Variants in RPTOR observed in about 807,000 individuals in gnomAD.
RPTOR encodes regulatory associated protein of MTOR complex 1, also known as regulatory-associated protein of mTOR.
A neutral mutation model predicts 169.9 loss-of-function variants in RPTOR; 21 were observed. The ratio of observed to expected loss-of-function variants is 0.12; its 90% CI spans 0.09 to 0.18. The LOEUF (loss-of-function observed/expected upper bound fraction) is 0.18. Among genes scored for constraint, RPTOR ranks in the 10% least tolerant of loss-of-function variants. The pLI is 1.00. For synonymous variants in RPTOR, 732 were observed against 753.2 expected (o/e 0.97, Z 0.46); for missense variants, 1,133 against 1,855.9 (o/e 0.61, Z 7.16).
chr17:80,742,737 T>A (rs2066496312), intron 5 of RPTOR, among the ~76,000 whole-genome samples: 1 of 151,860 alleles, frequency 6.6e-6, no homozygotes. Context: ...CACATGCATG[T>A]GCGCACACAT....
In RPTOR at chr17:80,961,226, G is replaced by A. The variant is rs897380923; in HGVS notation, c.3606-168G>A. Among the ~76,000 whole-genome samples, 4 of 152,212 alleles carry A rather than the reference G, an allele frequency of 2.6e-5. No homozygotes were observed. In the East Asian group the frequency reaches 7.7e-4, roughly 29 times the overall value. ...GGTCTCTGCTGGAGCAGGTCACCTGGAGGGGGCTCTGACCCTGCGTGAGCA... is the reference window on the plus strand; with the variant it reads ...GGTCTCTGCTGGAGCAGGTCACCTGAAGGGGGCTCTGACCCTGCGTGAGCA... On this transcript the variant is annotated intron_variant, in intron 30 of 33. Coordinates refer to ENST00000306801, the MANE Select transcript of RPTOR (RefSeq NM_020761.3).
At chr17:80,866,171 A>G (rs1164942153) in intron 13 of RPTOR, among the ~76,000 whole-genome samples, 1 of 149,044 alleles carries the variant, frequency 6.7e-6, no homozygotes, top group African/African-American at 2.4e-5. Flanking sequence ...TACTATAAGT[A>G]TGTATATATA....
At chr17:80,578,303 A>G (rs1408267046) in intron 1 of RPTOR, among the ~76,000 whole-genome samples, 2 of 152,154 alleles carry the variant, frequency 1.3e-5, no homozygotes, top group Non-Finnish European at 2.9e-5. Context: ...AGGAAATTGA[A>G]GGCTTGAGAG....
intron 9 of RPTOR, among the ~76,000 whole-genome samples, chr17:80,836,167 G>C (rs373348960): frequency 6.6e-6 from 1 of 152,202 alleles, no homozygotes; most frequent in East Asian, 1.9e-4. Flanking sequence ...GCGAGGCAGC[G>C]AGGCAGGCAG....
intron 6 of RPTOR, among the ~76,000 whole-genome samples, chr17:80,768,726 G>A (rs9894401): frequency 0.26 from 39,225 of 151,886 alleles, 5,136 homozygotes; most frequent in Middle Eastern, 0.35. Flanking sequence ...CCCATCACAC[G>A]GTGACATATT....
chr17:80,918,239 C>T (rs2068697538), intron 21 of RPTOR, among the ~76,000 whole-genome samples: 2 of 152,204 alleles, frequency 1.3e-5, no homozygotes, highest in Admixed American at 6.5e-5. Flanking sequence ...AATGCTGGCC[C>T]GTGGGCCCCT....
At chr17:80,940,684 C>T (rs909871804) in intron 25 of RPTOR, 83 bp downstream of exon 25, 31 of 1,134,294 alleles carry the variant, frequency 2.7e-5, no homozygotes, top group African/African-American at 4.6e-5. Context: ...AGGCCCCCCG[C>T]GGCCCACGCA....
intron 24 of RPTOR, among the ~76,000 whole-genome samples, chr17:80,938,721 T>C (rs2068985866): frequency 6.6e-6 from 1 of 152,166 alleles, no homozygotes; most frequent in African/African-American, 2.4e-5. Flanking sequence ...TTTGTGACTT[T>C]TAAGAAGAAA....
chr17:80,960,144 G>A lies in RPTOR; in HGVS notation c.3544G>A (p.Val1182Met), dbSNP rs1389264031. The A allele has an allele frequency of 3.7e-6, 6 of 1,613,574 alleles. No homozygotes were observed. Among genetic ancestry groups the A allele is most frequent in the East Asian group, 2.2e-5 (1 of 44,892 alleles). ...LSCDSHRSLIVAGLGDGSIRV... is the reference protein window; with the variant it reads ...LSCDSHRSLIMAGLGDGSIRV... ...CTGTGATTCCCACCGCTCACTCATC[G>A]TGGCTGGCCTCGGTGACGGCTCCAT... Residue 1182 changes from valine (V) to methionine (M), a missense_variant, in exon 30 of 34, where the codon GTG becomes ATG. Transcript: ENST00000306801. This position sits in a 1 kb window ranked among gnomAD's most constrained non-coding sequence, Gnocchi z 4.8.
intron 3 of RPTOR, among the ~76,000 whole-genome samples, chr17:80,665,388 C>CATG (rs2065759641): frequency 1.7e-4 from 1 of 5,742 alleles, no homozygotes; most frequent in Non-Finnish European, 2.7e-4. Flanking sequence ...CTTTCCTTTC[C>CATG]TTTCCTTTCC....
intron 4 of RPTOR, chr17:80,709,163 C>T (rs2066165259): frequency 1.2e-6 from 1 of 801,396 alleles, no homozygotes; most frequent in African/African-American, 1.9e-5. Context: ...CCATCTCTCC[C>T]CGTGTGTATC....
At chr17:80,859,939 C>G (rs539985127) in intron 13 of RPTOR, among the ~76,000 whole-genome samples, 1 of 151,984 alleles carries the variant, frequency 6.6e-6, no homozygotes, top group Non-Finnish European at 1.5e-5. Context: ...GCCCCTGCGC[C>G]GGGTCTGGAG....
At chr17:80,961,147 G>A (rs981261543) in intron 30 of RPTOR, 32 of 498,090 alleles carry the variant, frequency 6.4e-5, no homozygotes, top group Admixed American at 1.4e-4. Context: ...GTCCTCCAGC[G>A]GCCTGACGGT....
chr17:80,892,222 G>C (rs1345658999), intron 18 of RPTOR, among the ~76,000 whole-genome samples: 2 of 152,192 alleles, frequency 1.3e-5, no homozygotes, highest in South Asian at 4.2e-4. Flanking sequence ...TTTCTCACAC[G>C]TGTCGTTTTG....
chr17:80,635,592 A>G (rs1442468912), intron 2 of RPTOR, among the ~76,000 whole-genome samples: 1 of 152,058 alleles, frequency 6.6e-6, no homozygotes, highest in Non-Finnish European at 1.5e-5. Flanking sequence ...TGGTGGGAGA[A>G]GAGGGCTCAT....
At chr17:80,693,371 G>T (rs1159010613) in intron 3 of RPTOR, among the ~76,000 whole-genome samples, 2 of 152,234 alleles carry the variant, frequency 1.3e-5, no homozygotes, top group South Asian at 2.1e-4. Flanking sequence ...GGGTTCATTG[G>T]GGGGATTCTG....
Position 80,726,376 on chromosome 17 carries a change from A to G in RPTOR, c.508-4184A>G, listed in dbSNP as rs551783002. 6.6e-6 allele frequency among the ~76,000 whole-genome samples: 1 copy of G among 152,234 alleles called. No homozygotes were observed. The highest frequency in any genetic ancestry group is 1.5e-5 in the Non-Finnish European group (1 of 68,040). On this transcript the variant is annotated intron_variant, in intron 4 of 33. Transcript: ENST00000306801. This position sits in a 1 kb window ranked among gnomAD's most constrained non-coding sequence, Gnocchi z 4.5. The stretch of plus-strand genomic sequence containing the variant: ...CGGTAACCTGGTGCTCGCCGCCCAC[A>G]GATCACGGGGCGTGGAGGGAGAGAC...
rs951738699 is a variant in RPTOR, at chr17:80,707,506, C to T, written c.349-335C>T. Among the ~76,000 whole-genome samples the T allele has an allele frequency of 2.0e-5, 3 of 151,954 alleles. No homozygotes were observed. The highest frequency in any genetic ancestry group is 7.3e-5 in the African/African-American group (3 of 41,372). ...CCTCAACCTCCTGGGCTTAAGTGAT[C>T]CTTCCACCTCAGCTGGGACTACAGG... On this transcript the variant is annotated intron_variant, in intron 3 of 33. Transcript: ENST00000306801. This position sits in a 1 kb window ranked among gnomAD's most constrained non-coding sequence, Gnocchi z 5.0.
chr17:80,727,827 G>T (rs565456531), intron 4 of RPTOR, among the ~76,000 whole-genome samples: 1 of 152,108 alleles, frequency 6.6e-6, no homozygotes, highest in Non-Finnish European at 1.5e-5. Flanking sequence ...TGGATATCTA[G>T]AAGTAGTCAG....
Sources: allele counts gnomAD v4.1 joint callset (sites outside exome capture counted in the v4.1 genomes callset), GRCh38; gene constraint gnomAD v4.1.1; non-coding constraint Gnocchi (gnomAD v3.1); transcripts MANE v1.5; gene names NCBI Gene and HGNC (gene_info 2026-07-23, HGNC 2026-07-21).